Variants in RNF214 observed in about 807,000 individuals in gnomAD.
RNF214 encodes the protein ring finger protein 214.
In RNF214, 25 loss-of-function variants were observed where a neutral mutation model predicts 75.9. The observed-to-expected ratio is 0.33, with a 90% CI of 0.24 to 0.46. The LOEUF (loss-of-function observed/expected upper bound fraction) is 0.46. Among genes scored for constraint, RNF214 ranks in the 20% least tolerant of loss-of-function variants. The probability of loss-of-function intolerance (pLI) is 1.00; values close to 1 mark genes in which losing one functional copy is unlikely to be tolerated. For synonymous variants in RNF214, 314 were observed against 308.8 expected (o/e 1.02, Z -0.18); for missense variants, 725 against 857.5 (o/e 0.85, Z 1.93).
intron 4 of RNF214, among the ~76,000 whole-genome samples, chr11:117,241,449 G>A (rs552352039): frequency 1.2e-4 from 19 of 152,006 alleles, no homozygotes; most frequent in Admixed American, 4.6e-4. Flanking sequence ...GTGTGGTGGC[G>A]CATGCCTCTA....
intron 6 of RNF214, among the ~76,000 whole-genome samples, chr11:117,268,559 C>G (rs993578086): frequency 6.6e-6 from 1 of 152,128 alleles, no homozygotes; most frequent in African/African-American, 2.4e-5. Flanking sequence ...TCTTTACTGT[C>G]TATTCCATTA....
intron 6 of RNF214, among the ~76,000 whole-genome samples, chr11:117,264,952 A>G (rs1041023139): frequency 2.0e-5 from 3 of 151,924 alleles, no homozygotes; most frequent in Non-Finnish European, 4.4e-5. Flanking sequence ...CTGTACTCCC[A>G]GCTACTTGGG....
intron 6 of RNF214, among the ~76,000 whole-genome samples, chr11:117,262,820 T>C (rs1470978699): frequency 1.3e-5 from 2 of 152,106 alleles, no homozygotes; most frequent in Non-Finnish European, 2.9e-5. Flanking sequence ...CTTTTCTTTT[T>C]TGTTTTTGAG....
intron 6 of RNF214, among the ~76,000 whole-genome samples, chr11:117,266,139 A>T (rs1214971430): frequency 2.0e-5 from 3 of 152,164 alleles, no homozygotes; most frequent in Non-Finnish European, 4.4e-5. Flanking sequence ...TCCTGTTTGT[A>T]ATGAGAAGTC....
At chr11:117,260,266 C>A (rs995050372) in intron 6 of RNF214, among the ~76,000 whole-genome samples, 1 of 152,124 alleles carries the variant, frequency 6.6e-6, no homozygotes, top group Non-Finnish European at 1.5e-5. Flanking sequence ...GTAGCTGGGA[C>A]TACAGCCATG....
At chr11:117,284,633 A>T (rs142858042) in intron 14 of RNF214, among the ~76,000 whole-genome samples, 18 of 152,306 alleles carry the variant, frequency 1.2e-4, no homozygotes, top group African/African-American at 4.3e-4. Context: ...AGAGCCATTG[A>T]ATAGCCCTTC....
intron 5 of RNF214, among the ~76,000 whole-genome samples, chr11:117,245,237 T>A (rs1186255309): frequency 6.6e-6 from 1 of 150,854 alleles, no homozygotes; most frequent in African/African-American, 2.4e-5. Flanking sequence ...GAGGATCGCT[T>A]AAACCCAGGA....
At chr11:117,252,319 A>G (rs945043029) in intron 6 of RNF214, among the ~76,000 whole-genome samples, 19 of 152,220 alleles carry the variant, frequency 1.2e-4, no homozygotes, top group African/African-American at 4.3e-4. Flanking sequence ...GAGAGAAGTG[A>G]ACACATTTGT....
At chr11:117,262,889 A>G (rs1320803340) in intron 6 of RNF214, among the ~76,000 whole-genome samples, 1 of 152,042 alleles carries the variant, frequency 6.6e-6, no homozygotes, top group Admixed American at 6.6e-5. Context: ...GGCTCACTGC[A>G]GCTTCAACCC....
At chr11:117,278,147 AC>A (rs1453184138) in intron 6 of RNF214, among the ~76,000 whole-genome samples, 1 of 151,192 alleles carries the variant, frequency 6.6e-6, no homozygotes, top group African/African-American at 2.4e-5. Context: ...TACTAAAAAT[AC>A]AAAAAATTAG....
intron 1 of RNF214, among the ~76,000 whole-genome samples, chr11:117,233,161 C>T (rs1341666374): frequency 6.6e-6 from 1 of 152,252 alleles, no homozygotes. Flanking sequence ...CCTACCCGCG[C>T]CACGGGCTCT....
intron 2 of RNF214, among the ~76,000 whole-genome samples, chr11:117,235,831 T>C (rs1453215208): frequency 6.6e-6 from 1 of 152,208 alleles, no homozygotes. Context: ...TGTATAGTGA[T>C]CAGATCAGGG....
chr11:117,266,646 C>T (rs1233160709), intron 6 of RNF214, among the ~76,000 whole-genome samples: 2 of 152,056 alleles, frequency 1.3e-5, no homozygotes, highest in Non-Finnish European at 2.9e-5. Flanking sequence ...AGGTGTGAGT[C>T]ACCACACCTG....
At position 117,246,960 on chromosome 11, in the gene RNF214, TAAG is replaced by T; in HGVS notation, c.959+15_959+17del. The T allele has an allele frequency of 1.3e-6, 2 of 1,597,182 alleles. No individual in the cohort carries two copies. Among genetic ancestry groups the T allele is most frequent in the South Asian group, 1.1e-5 (1 of 88,528 alleles). On this transcript the variant is annotated intron_variant, in intron 6 of 14. Coordinates refer to ENST00000300650, the MANE Select transcript of RNF214 (RefSeq NM_207343.4). ...GAGAAGGGCAGAAGGTAACTGATGT[TAAG>T]AATAAAAACCCTGTGTGTATGTATA...
At chr11:117,239,402 A>G in intron 3 of RNF214, 1 of 481,812 alleles carries the variant, frequency 2.1e-6, no homozygotes, top group Non-Finnish European at 3.7e-6. Context: ...ATTAGCATTC[A>G]TATTTATCAT....
intron 6 of RNF214, among the ~76,000 whole-genome samples, chr11:117,276,826 A>G (rs1449483120): frequency 2.6e-5 from 4 of 152,242 alleles, no homozygotes; most frequent in Non-Finnish European, 5.9e-5. Flanking sequence ...GTGAGCATCT[A>G]TAATCTTCAA....
At chr11:117,257,129 G>A (rs910360556) in intron 6 of RNF214, among the ~76,000 whole-genome samples, 1 of 152,150 alleles carries the variant, frequency 6.6e-6, no homozygotes, top group African/African-American at 2.4e-5. Context: ...TTGAGCGCAG[G>A]AGTTCGAGAC....
chr11:117,251,951 C>T (rs955932968), intron 6 of RNF214, among the ~76,000 whole-genome samples: 5 of 152,226 alleles, frequency 3.3e-5, no homozygotes, highest in African/African-American at 1.2e-4. Context: ...TCACTGCAAC[C>T]TCCACTTCCT....
At chr11:117,260,518 A>G (rs552572699) in intron 6 of RNF214, among the ~76,000 whole-genome samples, 1 of 152,172 alleles carries the variant, frequency 6.6e-6, no homozygotes, top group African/African-American at 2.4e-5. Flanking sequence ...ATACTACATT[A>G]CACTGTCTGC....
Sources: gnomAD v4.1 joint callset for allele counts (sites outside exome capture counted in the v4.1 genomes callset) on GRCh38, gnomAD v4.1.1 for gene constraint, MANE v1.5 for transcripts, NCBI Gene and HGNC (gene_info 2026-07-23, HGNC 2026-07-21) for gene names.